The following CSF1R variants were observed in gnomAD, a reference collection of about 807,000 sequenced individuals.
CSF1R encodes colony stimulating factor 1 receptor.
Under a neutral mutation model 110.0 loss-of-function variants are expected in CSF1R, and 40 were observed. The observed-to-expected ratio is 0.36, with a 90% CI of 0.28 to 0.47. CSF1R has a LOEUF of 0.47. Ranked by LOEUF, CSF1R falls within the 20% of genes least tolerant of loss-of-function variation. The pLI, the probability that CSF1R is intolerant of heterozygous loss-of-function variation, is 0.99. For missense variants in CSF1R, 1,052 were observed against 1,253.0 expected, an observed-to-expected ratio of 0.84 and a Z score of 2.42; for synonymous variants, 523 against 503.4, an observed-to-expected ratio of 1.04 and a Z score of -0.52.
upstream of CSF1R, chr5:150,086,573 T>A: frequency 1.4e-6 from 1 of 724,362 alleles, no homozygotes; most frequent in Non-Finnish European, 2.3e-6. Context: ...TTCCTCTTCC[T>A]CCTCCTTGGG....
intron 14 of CSF1R, 150 bp downstream of exon 14, chr5:150,059,550 C>G (rs1445743337): frequency 1.2e-6 from 1 of 847,334 alleles, no homozygotes; most frequent in African/African-American, 1.7e-5. Flanking sequence ...GCCATAAAAC[C>G]TGTGGTGGCT....
chr5:150,061,264 CTCAG>C lies in CSF1R; in HGVS notation c.1858+223_1858+226del, dbSNP rs542665341. Among the ~76,000 whole-genome samples, 314 of 152,266 alleles carry C rather than the reference CTCAG, an allele frequency of 2.1e-3. 1 individual carries two copies. The highest frequency in any genetic ancestry group is 6.0e-3 in the South Asian group (29 of 4,828). Reference sequence around the variant, plus strand: ...TTCTGCACCCCCAGACTTTTTGGAGCTCAGTCAGGAGCCCCTTCACAACTAAAGG... The same window carrying C: ...TTCTGCACCCCCAGACTTTTTGGAGCTCAGGAGCCCCTTCACAACTAAAGG... On this transcript the variant is annotated intron_variant, in intron 12 of 20. Coordinates refer to ENST00000675795, the MANE Select transcript of CSF1R (RefSeq NM_001288705.3).
At chr5:150,079,332 T>C (rs933184) in intron 3 of CSF1R, among the ~76,000 whole-genome samples, 5,617 of 152,310 alleles carry the variant, frequency 0.037, 335 homozygotes, top group African/African-American at 0.12. Context: ...CCCTGGCCCT[T>C]GTTACAGGGA....
intron 3 of CSF1R, 34 bp from the exon 4 acceptor site, chr5:150,078,282 G>T (rs1057250990): frequency 1.2e-6 from 2 of 1,612,128 alleles, no homozygotes; most frequent in African/African-American, 2.7e-5. Context: ...GAACACCCAG[G>T]CTCCCTGAAC....
chr5:150,109,064 C>CCAT, intron 1 of CSF1R, among the ~76,000 whole-genome samples: 1 of 130,526 alleles, frequency 7.7e-6, no homozygotes, highest in South Asian at 2.3e-4. Context: ...GCCCGCCCCC[C>CCAT]CCCCACCACC....
chr5:150,107,686 G>T (rs947568174), intron 1 of CSF1R, among the ~76,000 whole-genome samples: 1 of 152,378 alleles, frequency 6.6e-6, no homozygotes, highest in Middle Eastern at 3.4e-3. Context: ...AGGATCGAGG[G>T]TAAAGGGGAA....
At chr5:150,082,975 C>G (rs1279527927) in intron 1 of CSF1R, among the ~76,000 whole-genome samples, 1 of 152,172 alleles carries the variant, frequency 6.6e-6, no homozygotes, top group Non-Finnish European at 1.5e-5. Flanking sequence ...CTTCCCCCAG[C>G]CTGTCTCTCT....
At chr5:150,087,108 C>T (rs556559474), upstream of CSF1R, among the ~76,000 whole-genome samples, 5 of 152,306 alleles carry the variant, frequency 3.3e-5, no homozygotes, top group South Asian at 6.2e-4. Flanking sequence ...GACGTTATCT[C>T]TAGGTAAATA....
intron 1 of CSF1R, among the ~76,000 whole-genome samples, chr5:150,100,316 G>A (rs1348267847): frequency 1.7e-4 from 3 of 17,542 alleles, no homozygotes; most frequent in African/African-American, 6.8e-4. Flanking sequence ...TTTTTTTTCT[G>A]AGACGGAGTC....
At chr5:150,082,139 T>C (rs2113835739) in intron 1 of CSF1R, among the ~76,000 whole-genome samples, 1 of 152,346 alleles carries the variant, frequency 6.6e-6, no homozygotes, top group East Asian at 1.9e-4. Context: ...GGGGCAGCTG[T>C]GAGGCTGGGC....
intron 1 of CSF1R, among the ~76,000 whole-genome samples, chr5:150,095,635 C>T (rs1056806227): frequency 1.3e-5 from 2 of 151,252 alleles, no homozygotes; most frequent in Non-Finnish European, 2.9e-5. Context: ...CAAATTAAAT[C>T]CAAATTGACC....
intron 9 of CSF1R, 47 bp downstream of exon 9, chr5:150,069,826 C>CG (rs1188370597): frequency 1.9e-5 from 26 of 1,357,738 alleles, no homozygotes; most frequent in Non-Finnish European, 2.0e-5. Flanking sequence ...GGAGCAGGGG[C>CG]GGGGGGCGGG....
At chr5:150,082,865 G>A (rs1010901567) in intron 1 of CSF1R, among the ~76,000 whole-genome samples, 1 of 152,018 alleles carries the variant, frequency 6.6e-6, no homozygotes, top group African/African-American at 2.4e-5. Context: ...GTCCCTTCTG[G>A]GCCAACTCTG....
chr5:150,068,113 G>T, intron 10 of CSF1R, 102 bp downstream of exon 10: 2 of 866,928 alleles, frequency 2.3e-6, no homozygotes, highest in South Asian at 3.1e-5. Context: ...GTTAGCTGAT[G>T]GACTGACTGA....
At chr5:150,074,304 A>AG (rs1554103230) in intron 5 of CSF1R, among the ~76,000 whole-genome samples, 2 of 114,704 alleles carry the variant, frequency 1.7e-5, no homozygotes, top group East Asian at 8.6e-4. Flanking sequence ...AGTCCTGACT[A>AG]GTTTTTTTTT....
chr5:150,093,846 C>T (rs1759123240), intron 1 of CSF1R, among the ~76,000 whole-genome samples: 1 of 152,090 alleles, frequency 6.6e-6, no homozygotes, highest in South Asian at 2.1e-4. Context: ...GGCAGGTCAC[C>T]TGAGGTCAGG....
chr5:150,080,627 A>T, intron 2 of CSF1R, 140 bp downstream of exon 2: 3 of 1,117,238 alleles, frequency 2.7e-6, no homozygotes, highest in Non-Finnish European at 3.8e-6. Flanking sequence ...ACTGCATTAC[A>T]TTAGCAGCTC....
Position 150,078,257 on chromosome 5 carries a change from G to T in CSF1R, c.593-9C>A. Reference sequence around the variant, plus strand: ...TGGGGGCCCTGGGATGACTGAGACCGGGGGAGAGACCCCTGAACACCCAGG... The same window carrying T: ...TGGGGGCCCTGGGATGACTGAGACCTGGGGAGAGACCCCTGAACACCCAGG... On this transcript the variant is annotated splice_polypyrimidine_tract_variant and intron_variant, in intron 3 of 20. Coordinates refer to ENST00000675795, the MANE Select transcript of CSF1R (RefSeq NM_001288705.3). The T allele has an allele frequency of 6.2e-7, 1 of 1,613,652 alleles. No individual in the cohort carries two copies. Among genetic ancestry groups the T allele is most frequent in the Non-Finnish European group, 8.5e-7 (1 of 1,179,828 alleles).
chr5:150,069,978 G>T lies in CSF1R; in HGVS notation c.1405C>A (p.Gln469Lys). 6.2e-7 allele frequency: 1 copy of T among 1,614,170 alleles called. No homozygotes were observed. The highest frequency in any genetic ancestry group is 1.1e-5 in the South Asian group (1 of 91,084). The change falls in exon 9 of 21, where the codon CAG becomes AAG. Residue 469 changes from glutamine to lysine, a missense_variant. Around this residue, in one of 5 missense-constraint regions of CSF1R, gnomAD observed 693 missense variants for 735.4 expected, o/e 0.94. Transcript: ENST00000675795. ...SQEPFHKVTV[Q>K]SLLTVETLEH... ...AAGGTCTCAACAGTCAGCAGGCTCTGCACCGTCACCTTGTGGAAGGGCTCC... is the reference window on the plus strand; with the variant it reads ...AAGGTCTCAACAGTCAGCAGGCTCTTCACCGTCACCTTGTGGAAGGGCTCC...
Sources: gnomAD v4.1 joint callset for allele counts (sites outside exome capture counted in the v4.1 genomes callset) on GRCh38, gnomAD v4.1.1 for gene constraint, gnomAD v4.1.1 regional missense constraint, MANE v1.5 for transcripts, NCBI Gene and HGNC (gene_info 2026-07-23, HGNC 2026-07-21) for gene names.